The following HDC variants were observed in gnomAD, a reference collection of about 807,000 sequenced individuals.
HDC encodes the protein histidine decarboxylase.
Under a neutral mutation model 64.4 loss-of-function variants are expected in HDC, and 27 were observed. That is an observed-to-expected ratio of 0.42 (90% CI 0.31 to 0.58). HDC has a LOEUF of 0.58. HDC is among the 20% of genes least tolerant of loss of function. The pLI, the probability that HDC is intolerant of heterozygous loss-of-function variation, is 0.16. For missense variants in HDC, 711 were observed against 833.9 expected (o/e 0.85, Z 1.81); for synonymous variants, 305 against 314.2 (o/e 0.97, Z 0.31).
In HDC at chr15:50,243,148, G is replaced by C; in HGVS notation, c.1237C>G (p.Leu413Val). Residue 413 changes from leucine (L) to valine (V), a missense_variant, in exon 11 of 12, where the codon CTA becomes GTA. Physicochemically the swap from Leu to Val is conservative, Grantham distance 32. Around this residue, in one of 3 missense-constraint regions of HDC, gnomAD observed 483 missense variants for 540.9 expected, o/e 0.89. Transcript: ENST00000267845. Reference sequence around the variant, plus strand: ...GGCTTGGAAGATGGTATTACCTTTAGACGAAAAACCACCAGGCCAAGGTGC... The same window carrying C: ...GGCTTGGAAGATGGTATTACCTTTACACGAAAAACCACCAGGCCAAGGTGC... ...KRHLGLVVFR[L>V]KGPNCLTENV... 6.2e-7 allele frequency: 1 copy of C among 1,613,236 alleles called. No individual in the cohort carries two copies. Among genetic ancestry groups the C allele is most frequent in the Non-Finnish European group, 8.5e-7 (1 of 1,179,166 alleles).
rs1301238757 is a variant in HDC at position 50,242,608 on chromosome 15, G to A, written c.1641C>T (p.Asp547=). 2.5e-6 allele frequency: 4 copies of A among 1,614,190 alleles called. No homozygotes were observed. The highest frequency in any genetic ancestry group is 1.1e-5 in the South Asian group (1 of 91,086). ...ENGLHLETLL[D]PVDDCFSEEA... is the part of the protein sequence containing the mutation. ...CTTCTGAAAAGCAGTCATCAACTGG[G>A]TCCAGCAGGGTTTCAAGATGGAGGC... Residue 547 remains aspartate (D), a synonymous_variant, in exon 12 of 12, where the codon GAC becomes GAT. Coordinates refer to ENST00000267845, the MANE Select transcript of HDC (RefSeq NM_002112.4).
chr15:50,263,194 CCCTGAAAT>C (rs760105674), intron 2 of HDC, 33 bp downstream of exon 2: 1 of 1,603,376 alleles, frequency 6.2e-7, no homozygotes, highest in Non-Finnish European at 8.5e-7. Flanking sequence ...CCCTTCTGTG[CCCTGAAAT>C]CCAGAACTGC....
intron 2 of HDC, among the ~76,000 whole-genome samples, chr15:50,262,190 C>T (rs2045713158): frequency 6.6e-6 from 1 of 151,926 alleles, no homozygotes; most frequent in Non-Finnish European, 1.5e-5. Context: ...CCAGGCTTAG[C>T]CAGGCACATT....
chr15:50,254,758 C>A, intron 4 of HDC, 94 bp from the exon 5 acceptor site: 1 of 1,026,004 alleles, frequency 9.7e-7, no homozygotes. Flanking sequence ...CTCTCTCTCT[C>A]TCTCTCTCTC....
At chr15:50,249,195 C>G (rs2045521647) in intron 9 of HDC, among the ~76,000 whole-genome samples, 1 of 152,180 alleles carries the variant, frequency 6.6e-6, no homozygotes, top group Admixed American at 6.5e-5. Context: ...GCTTAAAGTT[C>G]AAGGTTGCAG....
At chr15:50,252,589 C>G (rs765014978) in intron 8 of HDC, 23 bp downstream of exon 8, 1 of 1,614,104 alleles carries the variant, frequency 6.2e-7, no homozygotes, top group Non-Finnish European at 8.5e-7. Flanking sequence ...CCTGCGTGCT[C>G]GGAGCTGGGC....
rs1398854804 is a variant in HDC, at chr15:50,254,669, A to AG, written c.442-6dup. On this transcript the variant is annotated splice_polypyrimidine_tract_variant and splice_region_variant and intron_variant, in intron 4 of 11. Transcript: ENST00000267845. Reference sequence around the variant, plus strand: ...AGTGGATTCACTGACCGTGCTCTGCAGGGGAAAAGGATTATCATGGCAGCC... The same window carrying AG: ...AGTGGATTCACTGACCGTGCTCTGCAGGGGGAAAAGGATTATCATGGCAGCC... 1.2e-6 allele frequency: 2 copies of AG among 1,613,302 alleles called. No homozygotes were observed. Among genetic ancestry groups the AG allele is most frequent in the African/African-American group, 1.3e-5 (1 of 74,830 alleles).
rs747717058 is a variant in HDC, at chr15:50,265,634, C to G, written c.-11G>C. The G allele has an allele frequency of 1.7e-5, 28 of 1,613,860 alleles. No homozygotes were observed. The Middle Eastern group carries it at 2.8e-3, about 162-fold the overall frequency. ...CTCAGGCTCCATCATCTCCCTTGGGCTCTGGCTCCTTCTCACAGATGGACA... is the reference window on the plus strand; with the variant it reads ...CTCAGGCTCCATCATCTCCCTTGGGGTCTGGCTCCTTCTCACAGATGGACA... On this transcript the variant is annotated 5_prime_UTR_variant, in exon 1 of 12. Coordinates refer to ENST00000267845, the MANE Select transcript of HDC (RefSeq NM_002112.4).
intron 2 of HDC, among the ~76,000 whole-genome samples, chr15:50,260,082 C>T (rs1463160994): frequency 1.3e-5 from 2 of 151,280 alleles, no homozygotes; most frequent in Non-Finnish European, 2.9e-5. Flanking sequence ...AGTGCAGCAG[C>T]GCCATCTTGG....
chr15:50,265,613 G>C lies in HDC; in HGVS notation c.11C>G (p.Pro4Arg). The change falls in exon 1 of 12, where the codon CCT becomes CGT. Residue 4 changes from proline to arginine, a missense_variant. This residue lies in a region of HDC where 225 missense variants were observed against 276.2 expected (regional missense o/e 0.81). Transcript: ENST00000267845. ...CTCACCTCTCTCTCTGTACTCCTCA[G>C]GCTCCATCATCTCCCTTGGGCTCTG... MME[P>R]EEYRERGREM... 6.2e-7 allele frequency: 1 copy of C among 1,613,896 alleles called. No homozygotes were observed. The highest frequency in any genetic ancestry group is 8.5e-7 in the Non-Finnish European group (1 of 1,179,818).
Position 50,252,684 on chromosome 15 carries a change from A to G in HDC, c.878T>C (p.Ile293Thr). The change falls in exon 8 of 12, where the codon ATT (isoleucine) becomes ACT (threonine). Residue 293 changes from isoleucine (I) to threonine (T), a missense_variant. By Grantham distance (89) the Ile-to-Thr change is moderately conservative. Around this residue, in one of 3 missense-constraint regions of HDC, gnomAD observed 483 missense variants for 540.9 expected, o/e 0.89. Transcript: ENST00000267845. ...AAAGGTGAAGGAGTCGGCATACTCA[A>G]TCCCCTTCAGAAACCCCCGGAACTC... The part of the protein sequence containing the change: ...CPEFRGFLKG[I>T]EYADSFTFNP... 6.2e-7 allele frequency: 1 copy of G among 1,614,136 alleles called. No individual in the cohort carries two copies. Among genetic ancestry groups the G allele is most frequent in the Non-Finnish European group, 8.5e-7 (1 of 1,180,036 alleles).
chr15:50,246,756 C>A (rs891405015), intron 10 of HDC, among the ~76,000 whole-genome samples: 2 of 152,042 alleles, frequency 1.3e-5, no homozygotes, highest in African/African-American at 4.8e-5. Context: ...AAACTGTAAG[C>A]AAAAAAATGT....
At chr15:50,252,590 G>A (rs372758262) in intron 8 of HDC, 22 bp downstream of exon 8, 160 of 1,614,018 alleles carry the variant, frequency 9.9e-5, no homozygotes, top group Middle Eastern at 1.6e-4. Context: ...CTGCGTGCTC[G>A]GAGCTGGGCT....
At chr15:50,264,586 T>C (rs1386453845) in intron 1 of HDC, among the ~76,000 whole-genome samples, 3 of 152,250 alleles carry the variant, frequency 2.0e-5, no homozygotes, top group Non-Finnish European at 4.4e-5. Context: ...TGTTGCTGTG[T>C]GTGCATGTGT....
In HDC at chr15:50,248,425, C is replaced by G. The variant is rs1173909956; in HGVS notation, c.1042-82G>C. The G allele has an allele frequency of 2.2e-6, 2 of 902,846 alleles. No homozygotes were observed. Among genetic ancestry groups the G allele is most frequent in the East Asian group, 5.0e-5 (2 of 39,986 alleles). 55.9% of individuals were successfully genotyped at this position (902,846 alleles called of 1,614,324 possible). ...GGGCATTTCTGGGCATTATCTGTTG[C>G]CTGCCCAGCCCTCCAGGGATGGACG... On this transcript the variant is annotated intron_variant, in intron 9 of 11. Transcript: ENST00000267845. This position sits in a 1 kb window ranked among gnomAD's most constrained non-coding sequence, Gnocchi z 4.3.
At chr15:50,257,871 G>A (rs2045652823) in intron 3 of HDC, among the ~76,000 whole-genome samples, 1 of 152,140 alleles carries the variant, frequency 6.6e-6, no homozygotes, top group Non-Finnish European at 1.5e-5. Context: ...CCAGGGGGAT[G>A]TTTTCCTAGA....
chr15:50,253,230 T>A, intron 7 of HDC: 1 of 379,128 alleles, frequency 2.6e-6, no homozygotes, highest in Non-Finnish European at 5.0e-6. Context: ...CCTACCCTTT[T>A]CCTTTTCTGA....
rs779388053 is a variant in HDC, at chr15:50,252,631, A to G, written c.931T>C (p.Phe311Leu). The G allele has an allele frequency of 1.1e-5, 17 of 1,614,116 alleles. No homozygotes were observed. The highest frequency in any genetic ancestry group is 1.4e-5 in the Non-Finnish European group (17 of 1,180,020). Residue 311 changes from phenylalanine (F) to leucine (L), a missense_variant, in exon 8 of 12, where the codon TTT (phenylalanine) becomes CTT (leucine). Transcript: ENST00000267845. Reference protein sequence around the residue: ...FNPSKWMMVHFDCTGFWVKDK... With the variant: ...FNPSKWMMVHLDCTGFWVKDK... ...ACTCACCAGAACCCAGTACAGTCAA[A>G]ATGCACCATCATCCACTTGGAAGGA...
At chr15:50,250,499 CAG>C (rs369077005) in intron 9 of HDC, among the ~76,000 whole-genome samples, 3 of 152,114 alleles carry the variant, frequency 2.0e-5, no homozygotes, top group Non-Finnish European at 2.9e-5. Flanking sequence ...ATCTGGAAGA[CAG>C]AGAGCACTGT....
Sources: gnomAD v4.1 joint callset for allele counts (sites outside exome capture counted in the v4.1 genomes callset) on GRCh38, gnomAD v4.1.1 for gene constraint, gnomAD v4.1.1 regional missense constraint, Gnocchi (gnomAD v3.1) non-coding constraint, MANE v1.5 for transcripts, NCBI Gene and HGNC (gene_info 2026-07-23, HGNC 2026-07-21) for gene names.